Variants in SRGAP1 observed in about 807,000 individuals in gnomAD.
SRGAP1 encodes the protein SLIT-ROBO Rho GTPase-activating protein 1.
A neutral mutation model predicts 121.9 loss-of-function variants in SRGAP1; 43 were observed. That is an observed-to-expected ratio of 0.35 (90% CI 0.28 to 0.46). The LOEUF is 0.46. Among genes scored for constraint, SRGAP1 ranks in the 20% least tolerant of loss-of-function variants. The pLI, the probability that SRGAP1 is intolerant of heterozygous loss-of-function variation, is 1.00. For missense variants in SRGAP1, 1,102 were observed against 1,350.9 expected, an observed-to-expected ratio of 0.82 and a Z score of 2.89; for synonymous variants, 447 against 485.4, an observed-to-expected ratio of 0.92 and a Z score of 1.04.
chr12:63,871,454 AAG>A (rs1341807786), intron 1 of SRGAP1, among the ~76,000 whole-genome samples: 1 of 152,164 alleles, frequency 6.6e-6, no homozygotes, highest in African/African-American at 2.4e-5. Context: ...ACTAAGGAAA[AAG>A]AACACAGGGC....
intron 1 of SRGAP1, among the ~76,000 whole-genome samples, chr12:63,882,230 T>G (rs1226071362): frequency 6.6e-6 from 1 of 152,162 alleles, no homozygotes; most frequent in Non-Finnish European, 1.5e-5. Context: ...ATGGCTCTTT[T>G]TCCCTTTACT....
rs375930639 is a variant in SRGAP1 at position 63,981,002 on chromosome 12, G to C, written c.68-2945G>C. Among the ~76,000 whole-genome samples the C allele has an allele frequency of 1.8e-4, 28 of 152,280 alleles. No individual in the cohort carries two copies. In the East Asian group the frequency reaches 4.1e-3, roughly 22 times the overall value. ...TAAACTTTTCTAAATGGAAGAGGTA[G>C]TTGAATGGATTATCCTCCATGTTTT... is the stretch of plus-strand genomic sequence containing the variant. On this transcript the variant is annotated intron_variant, in intron 1 of 21. Coordinates refer to ENST00000355086, the MANE Select transcript of SRGAP1 (RefSeq NM_020762.4).
At chr12:64,008,992 G>C (rs571346976) in intron 3 of SRGAP1, among the ~76,000 whole-genome samples, 1 of 152,030 alleles carries the variant, frequency 6.6e-6, no homozygotes, top group Non-Finnish European at 1.5e-5. Context: ...ACCAGGGAAC[G>C]GTATAGCTTT....
intron 1 of SRGAP1, among the ~76,000 whole-genome samples, chr12:63,873,533 CAA>C (rs1337537568): frequency 1.0e-4 from 5 of 49,500 alleles, no homozygotes; most frequent in Non-Finnish European, 8.4e-5. Context: ...AAATCCGTCT[CAA>C]AAAAAAAAAA....
intron 1 of SRGAP1, among the ~76,000 whole-genome samples, chr12:63,908,024 T>C (rs1286291874): frequency 1.3e-5 from 2 of 152,206 alleles, no homozygotes; most frequent in East Asian, 3.8e-4. Context: ...GTGTGAGAGT[T>C]TATTTCTGGA....
intron 6 of SRGAP1, among the ~76,000 whole-genome samples, chr12:64,056,549 C>CA (rs1273579087): frequency 0.075 from 4,527 of 60,092 alleles, 225 homozygotes; most frequent in African/African-American, 0.16. Context: ...TGAGACTCCA[C>CA]AAAAAAAAAA....
chr12:64,052,522 T>C (rs1565658049), intron 6 of SRGAP1, among the ~76,000 whole-genome samples: 1 of 151,058 alleles, frequency 6.6e-6, no homozygotes, highest in Non-Finnish European at 1.5e-5. Context: ...GCCATTGTAC[T>C]CCAGCCTAGG....
At position 63,952,203 on chromosome 12, in the gene SRGAP1, T is replaced by C. The variant is rs1173559659; in HGVS notation, c.68-31744T>C. Among the ~76,000 whole-genome samples the C allele has an allele frequency of 4.5e-4, 68 of 151,988 alleles. 1 individual carries two copies. The highest frequency in any genetic ancestry group is 4.4e-3 in the Admixed American group (67 of 15,264). ...CCCTAGTGTACCAAAAATAGTGAAA[T>C]AGAATGGATGAATAAGACCCCCACC... is the stretch of plus-strand genomic sequence containing the variant. On this transcript the variant is annotated intron_variant, in intron 1 of 21. Coordinates refer to ENST00000355086, the MANE Select transcript of SRGAP1 (RefSeq NM_020762.4).
intron 4 of SRGAP1, among the ~76,000 whole-genome samples, chr12:64,036,451 A>G (rs1168107800): frequency 1.3e-5 from 2 of 152,180 alleles, no homozygotes; most frequent in East Asian, 1.9e-4. Flanking sequence ...ATAGATCTTT[A>G]TCTTAGGTAG....
intron 1 of SRGAP1, among the ~76,000 whole-genome samples, chr12:63,866,534 C>G (rs935777319): frequency 6.6e-6 from 1 of 152,146 alleles, no homozygotes; most frequent in African/African-American, 2.4e-5. Context: ...AACATAACCA[C>G]ATTTATGTAA....
At chr12:63,979,170 G>C (rs1460422439) in intron 1 of SRGAP1, among the ~76,000 whole-genome samples, 1 of 149,678 alleles carries the variant, frequency 6.7e-6, no homozygotes, top group African/African-American at 2.5e-5. Context: ...CTCCCGAGTA[G>C]CTGGGACTAC....
intron 2 of SRGAP1, among the ~76,000 whole-genome samples, chr12:63,988,739 G>T (rs1186052093): frequency 6.6e-6 from 1 of 152,128 alleles, no homozygotes; most frequent in Non-Finnish European, 1.5e-5. Flanking sequence ...TTTTGTTCCT[G>T]CATTAGCATA....
intron 3 of SRGAP1, among the ~76,000 whole-genome samples, chr12:64,009,457 TAATC>T (rs1286338605): frequency 6.6e-6 from 1 of 152,194 alleles, no homozygotes; most frequent in Non-Finnish European, 1.5e-5. Flanking sequence ...TTGAGTTACT[TAATC>T]AGCCCATTCA....
At chr12:63,964,594 C>G (rs776282983) in intron 1 of SRGAP1, among the ~76,000 whole-genome samples, 1 of 151,986 alleles carries the variant, frequency 6.6e-6, no homozygotes, top group Non-Finnish European at 1.5e-5. Flanking sequence ...GAAAGCATTA[C>G]GCTTGAGGCC....
chr12:64,028,399 A>G (rs541427132), intron 4 of SRGAP1, among the ~76,000 whole-genome samples: 13 of 152,270 alleles, frequency 8.5e-5, no homozygotes, highest in African/African-American at 3.1e-4. Context: ...CCCATAAAAC[A>G]AAAACCATCC....
chr12:63,939,467 GA>G (rs1592963424), intron 1 of SRGAP1, among the ~76,000 whole-genome samples: 1 of 151,910 alleles, frequency 6.6e-6, no homozygotes, highest in Non-Finnish European at 1.5e-5. Flanking sequence ...AAATACAAAA[GA>G]ACAAAAATAT....
At chr12:63,886,481 CTTAT>C (rs1340885363) in intron 1 of SRGAP1, among the ~76,000 whole-genome samples, 1 of 148,816 alleles carries the variant, frequency 6.7e-6, no homozygotes, top group Admixed American at 6.6e-5. Flanking sequence ...ATTTTATGTA[CTTAT>C]TTATTTTTAT....
At chr12:64,090,392 A>G (rs1405537754) in intron 11 of SRGAP1, among the ~76,000 whole-genome samples, 1 of 152,228 alleles carries the variant, frequency 6.6e-6, no homozygotes, top group Non-Finnish European at 1.5e-5. Flanking sequence ...TTCTAAAGAA[A>G]TAATAACTCA....
chr12:63,937,108 T>G (rs2031689012), intron 1 of SRGAP1, among the ~76,000 whole-genome samples: 1 of 152,012 alleles, frequency 6.6e-6, no homozygotes, highest in Non-Finnish European at 1.5e-5. Flanking sequence ...AGAGTGAAAG[T>G]GTGCTCAGCA....
Sources: gnomAD v4.1 joint callset for allele counts (sites outside exome capture counted in the v4.1 genomes callset) on GRCh38, gnomAD v4.1.1 for gene constraint, MANE v1.5 for transcripts, NCBI Gene and HGNC (gene_info 2026-07-23, HGNC 2026-07-21) for gene names.